The following PPP2R2B variants were observed in gnomAD, a reference collection of about 807,000 sequenced individuals.
PPP2R2B encodes the protein serine/threonine-protein phosphatase 2A 55 kDa regulatory subunit B beta isoform.
Under a neutral mutation model 46.0 loss-of-function variants are expected in PPP2R2B, and 5 were observed. The observed-to-expected ratio is 0.11, with a 90% confidence interval of 0.06 to 0.23. The LOEUF (loss-of-function observed/expected upper bound fraction) is 0.23. PPP2R2B is among the 10% of genes least tolerant of loss of function. The pLI is 1.00. For missense variants in PPP2R2B, 367 were observed against 575.0 expected, an observed-to-expected ratio of 0.64 and a Z score of 3.70; for synonymous variants, 215 against 206.7, an observed-to-expected ratio of 1.04 and a Z score of -0.34.
intron 5 of PPP2R2B, among the ~76,000 whole-genome samples, chr5:146,672,412 G>A (rs1449148940): frequency 1.3e-5 from 2 of 152,010 alleles, no homozygotes; most frequent in African/African-American, 4.8e-5. Flanking sequence ...TCAGGGAAGG[G>A]GCTCAAAGGG....
chr5:146,706,564 C>A (rs1581919243), intron 2 of PPP2R2B: 1 of 946,412 alleles, frequency 1.1e-6, no homozygotes, highest in South Asian at 1.3e-5. Context: ...GCCTCCAGCT[C>A]GGACAGCTTA....
intron 9 of PPP2R2B, 65 bp downstream of exon 9, chr5:146,592,906 A>G: frequency 6.7e-7 from 1 of 1,493,670 alleles, no homozygotes; most frequent in Non-Finnish European, 9.3e-7. Context: ...TCTACTTAGG[A>G]TAAATTCCCT....
intron 1 of PPP2R2B, among the ~76,000 whole-genome samples, chr5:146,964,187 A>G (rs1752305085): frequency 6.6e-6 from 1 of 152,250 alleles, no homozygotes; most frequent in Non-Finnish European, 1.5e-5. Flanking sequence ...AATACGTCAG[A>G]AAACTGAGAA....
rs545357369 is a variant in PPP2R2B at position 146,767,956 on chromosome 5, G to A, written c.71-66814C>T. Among the ~76,000 whole-genome samples the A allele has an allele frequency of 9.9e-5, 15 of 152,226 alleles. No homozygotes were observed. In the East Asian group the frequency reaches 2.9e-3, roughly 29 times the overall value. Reference sequence around the variant, plus strand: ...TTGACTGTCTCTATAGCTTTTTCCAGAGCCATATATTTTTTAAAACAATTA... The same window carrying A: ...TTGACTGTCTCTATAGCTTTTTCCAAAGCCATATATTTTTTAAAACAATTA... On this transcript the variant is annotated intron_variant, in intron 2 of 9. Transcript: ENST00000394411.
chr5:147,059,327 T>A (rs1050644866), upstream of PPP2R2B, among the ~76,000 whole-genome samples: 24 of 152,044 alleles, frequency 1.6e-4, no homozygotes, highest in Middle Eastern at 3.4e-3. Context: ...TTATAAAAAA[T>A]GAAAAGAAAC....
intron 2 of PPP2R2B, among the ~76,000 whole-genome samples, chr5:146,703,059 A>T (rs1337992962): frequency 6.6e-6 from 1 of 152,154 alleles, no homozygotes; most frequent in Non-Finnish European, 1.5e-5. Context: ...CCATGTTTAG[A>T]CGAGAGAAGG....
chr5:146,834,990 T>C (rs1460960860), intron 2 of PPP2R2B, among the ~76,000 whole-genome samples: 6 of 152,146 alleles, frequency 3.9e-5, no homozygotes, highest in African/African-American at 1.4e-4. Flanking sequence ...TATTCCAGAG[T>C]ATAAATGTAC....
At chr5:147,047,010 C>T (rs932504949) in intron 1 of PPP2R2B, among the ~76,000 whole-genome samples, 3 of 152,056 alleles carry the variant, frequency 2.0e-5, no homozygotes, top group Non-Finnish European at 1.5e-5. Flanking sequence ...CACCAAGTTT[C>T]ATTATATTGT....
At chr5:146,621,925 C>T (rs1474711615) in intron 7 of PPP2R2B, among the ~76,000 whole-genome samples, 1 of 152,190 alleles carries the variant, frequency 6.6e-6, no homozygotes, top group African/African-American at 2.4e-5. Context: ...GCCTTTCCAT[C>T]TCCACTGCTG....
chr5:146,690,035 T>C (rs2400228), intron 5 of PPP2R2B, among the ~76,000 whole-genome samples: 88,685 of 152,194 alleles, frequency 0.58, 29,246 homozygotes, highest in East Asian at 0.89. Flanking sequence ...GTGAGCTAAT[T>C]AAGCATACAA....
chr5:146,903,397 T>C (rs1450969186), intron 1 of PPP2R2B, among the ~76,000 whole-genome samples: 1 of 147,812 alleles, frequency 6.8e-6, no homozygotes, highest in African/African-American at 2.5e-5. Context: ...TTCTCTTTTT[T>C]TTTTTTTTTT....
At chr5:147,037,629 G>A (rs2151895073) in intron 1 of PPP2R2B, among the ~76,000 whole-genome samples, 1 of 152,158 alleles carries the variant, frequency 6.6e-6, no homozygotes, top group Non-Finnish European at 1.5e-5. Flanking sequence ...CATGGGATAT[G>A]TATCTACGCC....
upstream of PPP2R2B, chr5:146,879,029 C>G: frequency 1.4e-6 from 1 of 724,174 alleles, no homozygotes; most frequent in Non-Finnish European, 1.8e-6. Context: ...CCCAGAGCCC[C>G]TAGCTCCCTG....
At chr5:146,832,377 A>ATATTTT (rs1443028400) in intron 2 of PPP2R2B, among the ~76,000 whole-genome samples, 1 of 104,296 alleles carries the variant, frequency 9.6e-6, no homozygotes, top group Non-Finnish European at 2.0e-5. Context: ...GCCATTTTTA[A>ATATTTT]TCTTTTTTTT....
At chr5:146,648,788 C>G (rs557705984) in intron 6 of PPP2R2B, among the ~76,000 whole-genome samples, 1 of 152,204 alleles carries the variant, frequency 6.6e-6, no homozygotes, top group South Asian at 2.1e-4. Flanking sequence ...AAAGAGGGAA[C>G]AGCAAATGCA....
At chr5:146,604,753 G>T (rs1480167786) in intron 7 of PPP2R2B, among the ~76,000 whole-genome samples, 1 of 152,206 alleles carries the variant, frequency 6.6e-6, no homozygotes, top group Non-Finnish European at 1.5e-5. Flanking sequence ...AGACCAGGAG[G>T]AAAGGTTCAG....
intron 1 of PPP2R2B, among the ~76,000 whole-genome samples, chr5:147,037,379 G>T (rs961007437): frequency 3.3e-5 from 5 of 151,892 alleles, no homozygotes; most frequent in Non-Finnish European, 7.4e-5. Context: ...ACTTATCCTT[G>T]AATCTCTGAG....
chr5:146,817,531 T>C (rs879299507), intron 2 of PPP2R2B, among the ~76,000 whole-genome samples: 3 of 151,802 alleles, frequency 2.0e-5, no homozygotes, highest in Non-Finnish European at 4.4e-5. Context: ...TCTCACACAA[T>C]TTTTTTTTAT....
intron 6 of PPP2R2B, among the ~76,000 whole-genome samples, chr5:146,645,827 C>A (rs1019648195): frequency 2.0e-5 from 3 of 152,124 alleles, no homozygotes; most frequent in African/African-American, 7.2e-5. Context: ...GCTACCCTTC[C>A]CAGCCTTGCT....
Sources: allele counts gnomAD v4.1 joint callset (sites outside exome capture counted in the v4.1 genomes callset), GRCh38; gene constraint gnomAD v4.1.1; transcripts MANE v1.5; gene names NCBI Gene and HGNC (gene_info 2026-07-23, HGNC 2026-07-21).